The following TOP3B variants were observed in gnomAD, a reference collection of about 807,000 sequenced individuals.
TOP3B encodes the protein DNA topoisomerase III beta, also known as DNA topoisomerase 3-beta-1.
A neutral mutation model predicts 93.9 loss-of-function variants in TOP3B; 45 were observed. The observed-to-expected ratio is 0.48, with a 90% CI of 0.38 to 0.61. The LOEUF is 0.61. TOP3B is among the 20% of genes least tolerant of loss of function. The probability of loss-of-function intolerance (pLI) is 0.00; values close to 1 mark genes in which losing one functional copy is unlikely to be tolerated. For synonymous variants in TOP3B, 357 were observed against 472.6 expected, an observed-to-expected ratio of 0.76 and a Z score of 3.17; for missense variants, 750 against 1,156.1, an observed-to-expected ratio of 0.65 and a Z score of 5.09.
chr22:21,967,999 C>T (rs1316231226), intron 7 of TOP3B: 2 of 408,550 alleles, frequency 4.9e-6, no homozygotes, highest in Non-Finnish European at 9.0e-6. Context: ...TCTCACACCA[C>T]CCCTGCCTAT....
rs11400717 is a variant in TOP3B, at chr22:21,963,344, G to GAA, written c.1205-453_1205-452dup. 213 of 151,646 alleles carry GAA rather than the reference G, an allele frequency of 1.4e-3. No individual in the cohort carries two copies. The highest frequency in any genetic ancestry group is 3.4e-3 in the South Asian group (18 of 5,322). The allele number at this position is 151,646 out of a possible 1,614,324, so 9.4% of individuals were successfully genotyped here. On this transcript the variant is annotated intron_variant, in intron 11 of 17. Coordinates refer to ENST00000357179, the MANE Select transcript of TOP3B (RefSeq NM_001282112.2). This position sits in a 1 kb window ranked among gnomAD's most constrained non-coding sequence, Gnocchi z 4.8. ...AGAACAAGACTCTGTCTCAAAAAAA[G>GAA]AAAAAAAAAAAGCAAATGCGGAGGA...
Position 21,959,579 on chromosome 22 carries a change from G to C in TOP3B, c.1804+8C>G. On this transcript the variant is annotated splice_region_variant and intron_variant, in intron 15 of 17. Coordinates refer to ENST00000357179, the MANE Select transcript of TOP3B (RefSeq NM_001282112.2). ...TCTGGTGAGGGGCAGGCCAGAGGCA[G>C]ACTCTACCAGCAATGGAGTCGACAA... The C allele has an allele frequency of 6.2e-7, 1 of 1,604,310 alleles. No homozygotes were observed. The highest frequency in any genetic ancestry group is 1.1e-5 in the South Asian group (1 of 89,876).
At position 21,963,560 on chromosome 22, in the gene TOP3B, T is replaced by C. The variant is rs2071285699; in HGVS notation, c.1204+363A>G. Reference sequence around the variant, plus strand: ...AGGTGGCTCCTGTCTCTACCTGCACTGCTCTCCCTTCCTCATTTGCCTTCT... The same window carrying C: ...AGGTGGCTCCTGTCTCTACCTGCACCGCTCTCCCTTCCTCATTTGCCTTCT... On this transcript the variant is annotated intron_variant, in intron 11 of 17. Transcript: ENST00000357179. The surrounding 1 kb of genome is among the most constrained non-coding windows in gnomAD (Gnocchi z 4.8). The C allele has an allele frequency of 3.4e-6, 1 of 298,502 alleles. No individual in the cohort carries two copies. The highest frequency in any genetic ancestry group is 2.2e-5 in the African/African-American group (1 of 45,044). The allele number at this position is 298,502 out of a possible 1,614,324, so 18.5% of individuals were successfully genotyped here. A position where few individuals can be genotyped will look rare whatever the true frequency, so the allele number is the denominator to read the frequency against.
intron 13 of TOP3B, chr22:21,960,816 G>A (rs144858527): frequency 3.9e-6 from 1 of 258,484 alleles, no homozygotes; most frequent in Non-Finnish European, 7.7e-6. Flanking sequence ...CCTGCTCCCG[G>A]AGCCAGAGCC....
At position 21,974,308 on chromosome 22, in the gene TOP3B, A is replaced by C. The variant is rs1281777777; in HGVS notation, c.202+49T>G. ...TCCTGGCTTCAACTGGACCCTGGCC[A>C]GTGCCATGCAGAACTCCCTTCAGTA... On this transcript the variant is annotated intron_variant, in intron 3 of 17. Transcript: ENST00000357179. The C allele has an allele frequency of 1.9e-6, 3 of 1,585,636 alleles. No homozygotes were observed. In the South Asian group the frequency reaches 3.4e-5, roughly 18 times the overall value.
chr22:21,970,394 C>G lies in TOP3B; in HGVS notation c.397G>C (p.Val133Leu). 1.2e-6 allele frequency: 2 copies of G among 1,613,814 alleles called. No individual in the cohort carries two copies. Among genetic ancestry groups the G allele is most frequent in the Non-Finnish European group, 1.7e-6 (2 of 1,179,912 alleles). ...TGGGCCTTGTTCATGACGGGCAGAA[C>G]AGCATCAAGAACCTGGGGGTGGGGA... ...ENICFEVLDA[V>L]LPVMNKAHGG... The change falls in exon 6 of 18, where the codon GTT (valine) becomes CTT (leucine). Residue 133 changes from valine to leucine, a missense_variant. Val to Leu is a conservative substitution (Grantham distance 32, BLOSUM62 1). Coordinates refer to ENST00000357179, the MANE Select transcript of TOP3B (RefSeq NM_001282112.2). The surrounding 1 kb of genome is among the most constrained non-coding windows in gnomAD (Gnocchi z 4.4).
At position 21,975,762 on chromosome 22, in the gene TOP3B, T is replaced by C; in HGVS notation, c.-53A>G. The C allele has an allele frequency of 6.3e-7, 1 of 1,579,884 alleles. No homozygotes were observed. The highest frequency in any genetic ancestry group is 8.6e-7 in the Non-Finnish European group (1 of 1,158,922). ...TCGGGGCACTGGCAATGAAAAAGTT[T>C]AGACTCCACTCTTCCGCAGCACAGC... is the stretch of plus-strand genomic sequence containing the variant. On this transcript the variant is annotated 5_prime_UTR_variant, in exon 2 of 18. Transcript: ENST00000357179.
At chr22:21,969,964 C>A in intron 6 of TOP3B, 1 of 254,680 alleles carries the variant, frequency 3.9e-6, no homozygotes, top group East Asian at 6.7e-5. Flanking sequence ...GAGATGGGGT[C>A]TTGTTATGCT....
intron 1 of TOP3B, chr22:21,976,293 C>CA (rs2071870085): frequency 6.6e-6 from 1 of 152,410 alleles, no homozygotes. Flanking sequence ...CTGGGCCCCC[C>CA]AGGTCCTTCT....
chr22:21,972,902 C>T (rs2071702185), intron 3 of TOP3B, 184 bp from the exon 4 acceptor site: 3 of 597,192 alleles, frequency 5.0e-6, no homozygotes, highest in African/African-American at 1.9e-5. Flanking sequence ...TGGTAACCCC[C>T]TCCCATCCAG....
At position 21,958,511 on chromosome 22, in the gene TOP3B, G is replaced by T; in HGVS notation, c.2088C>A (p.Pro696=). 1 of 1,614,080 alleles carries T rather than the reference G, an allele frequency of 6.2e-7. No individual in the cohort carries two copies. The highest frequency in any genetic ancestry group is 8.5e-7 in the Non-Finnish European group (1 of 1,180,048). Residue 696 remains proline, a synonymous_variant, in exon 17 of 18, where the codon CCC becomes CCA. Transcript: ENST00000357179. ...PLCPYCYNHP[P]FRDMKKGMGC... is the part of the protein sequence containing the mutation. Reference sequence around the variant, plus strand: ...ACTCACCTTTCTTCATGTCTCGGAAGGGTGGGTGGTTGTAGCAGTAGGGGC... The same window carrying T: ...ACTCACCTTTCTTCATGTCTCGGAATGGTGGGTGGTTGTAGCAGTAGGGGC...
intron 3 of TOP3B, chr22:21,974,132 G>A (rs1601856270): frequency 1.1e-5 from 5 of 447,722 alleles, no homozygotes; most frequent in East Asian, 8.3e-5. Flanking sequence ...GGAATGCAGC[G>A]ACTAAGGGGT....
At chr22:21,967,760 C>G in intron 7 of TOP3B, 44 bp from the exon 8 acceptor site, 1 of 1,488,138 alleles carries the variant, frequency 6.7e-7, no homozygotes, top group Non-Finnish European at 9.3e-7. Flanking sequence ...GAAAAAGTCT[C>G]CAGGTGAGCC....
chr22:21,966,594 T>A (rs2071423266), intron 8 of TOP3B: 1 of 152,194 alleles, frequency 6.6e-6, no homozygotes, highest in Non-Finnish European at 1.5e-5. Flanking sequence ...GTTAGTGGAG[T>A]GCATCTATGA....
chr22:21,962,547 A>G lies in TOP3B; in HGVS notation c.1407T>C (p.Thr469=), dbSNP rs771140390. ...CAGGGAAGGCATCACCCCGCTGGCA[A>G]GTGGGCAGGCTCTCCTCCAGGGGCA... is the stretch of plus-strand genomic sequence containing the variant. The part of the protein sequence containing the change: ...QSVPLEESLP[T]CQRGDAFPVG... Residue 469 remains threonine, a synonymous_variant, in exon 13 of 18, where the codon ACT becomes ACC. Coordinates refer to ENST00000357179, the MANE Select transcript of TOP3B (RefSeq NM_001282112.2). 9 of 1,613,632 alleles carry G rather than the reference A, an allele frequency of 5.6e-6. No individual in the cohort carries two copies. In the South Asian group the frequency reaches 8.8e-5, roughly 16 times the overall value.
In TOP3B at chr22:21,970,075, C is replaced by G. The variant is rs529562391; in HGVS notation, c.581+135G>C. ...GTTAGCCACTGTGCCTGGCCTTCTT[C>G]AGGGTTGGTGAAATCCCCTGTTGCT... On this transcript the variant is annotated intron_variant, in intron 6 of 17. Coordinates refer to ENST00000357179, the MANE Select transcript of TOP3B (RefSeq NM_001282112.2). The surrounding 1 kb of genome is among the most constrained non-coding windows in gnomAD (Gnocchi z 4.4). 3 of 936,278 alleles carry G rather than the reference C, an allele frequency of 3.2e-6. No homozygotes were observed. Among genetic ancestry groups the G allele is most frequent in the Non-Finnish European group, 4.8e-6 (3 of 631,038 alleles). The allele number at this position is 936,278 out of a possible 1,614,324, so 58.0% of individuals were successfully genotyped here.
chr22:21,960,291 G>A (rs1310438824), intron 14 of TOP3B, 30 bp downstream of exon 14: 15 of 1,612,498 alleles, frequency 9.3e-6, no homozygotes, highest in Non-Finnish European at 1.3e-5. Context: ...GAGCCTCGGT[G>A]GGCCCTGGGG....
intron 13 of TOP3B, chr22:21,960,864 T>C: frequency 4.7e-6 from 1 of 214,494 alleles, no homozygotes; most frequent in Non-Finnish European, 9.6e-6. Context: ...ACAAGCTCAC[T>C]GCAGAGCTGC....
At chr22:21,959,540 CAGAG>C (rs1353751402) in intron 15 of TOP3B, 43 bp downstream of exon 15, 4 of 1,558,366 alleles carry the variant, frequency 2.6e-6, no homozygotes, top group African/African-American at 2.7e-5. Flanking sequence ...GCCTTGCTGA[CAGAG>C]AGACACCCCT....
Sources: gnomAD v4.1 joint callset for allele counts on GRCh38, gnomAD v4.1.1 for gene constraint, Gnocchi (gnomAD v3.1) non-coding constraint, MANE v1.5 for transcripts, NCBI Gene and HGNC (gene_info 2026-07-23, HGNC 2026-07-21) for gene names.